LRMDA: variants seen among roughly 807,000 people sequenced by gnomAD.
LRMDA encodes leucine-rich melanocyte differentiation-associated protein.
In LRMDA, 18 loss-of-function variants were observed where a neutral mutation model predicts 29.8. That is an observed-to-expected ratio of 0.60 (90% CI 0.42 to 0.90). The LOEUF (loss-of-function observed/expected upper bound fraction) is 0.90, where lower values mean the gene tolerates loss of function less well. Ranked by LOEUF, LRMDA falls within the 40% of genes least tolerant of loss-of-function variation. The pLI is 0.00. For synonymous variants in LRMDA, 125 were observed against 109.4 expected, an observed-to-expected ratio of 1.14 and a Z score of -0.89; for missense variants, 273 against 273.9, an observed-to-expected ratio of 1.00 and a Z score of 0.02.
chr10:76,419,708 T>C (rs1181613606), intron 6 of LRMDA, among the ~76,000 whole-genome samples: 1 of 152,136 alleles, frequency 6.6e-6, no homozygotes, highest in Non-Finnish European at 1.5e-5. Flanking sequence ...TTACTTATTT[T>C]CCACCTGTAT....
chr10:75,812,552 C>G (rs534698238), intron 2 of LRMDA, among the ~76,000 whole-genome samples: 5 of 152,116 alleles, frequency 3.3e-5, no homozygotes, highest in Non-Finnish European at 7.4e-5. Context: ...CAATTCTGAA[C>G]GTGGTGACAT....
chr10:75,868,688 C>T lies in LRMDA; in HGVS notation c.132-167320C>T, dbSNP rs1470553377. 3.3e-5 allele frequency among the ~76,000 whole-genome samples: 5 copies of T among 152,180 alleles called. No individual in the cohort carries two copies. In the South Asian group the frequency reaches 8.3e-4, roughly 25 times the overall value. On this transcript the variant is annotated intron_variant, in intron 2 of 6. Transcript: ENST00000611255. ...TCCTGAGCCTCTCCCGCTTGTTTAG[C>T]GATTTCTCCCAGTGTGTCCAGATGC...
intron 5 of LRMDA, among the ~76,000 whole-genome samples, chr10:76,275,111 T>C (rs1840114647): frequency 6.6e-6 from 1 of 152,138 alleles, no homozygotes; most frequent in African/African-American, 2.4e-5. Context: ...TCCATGCTTG[T>C]TGTATTTGAA....
intron 2 of LRMDA, among the ~76,000 whole-genome samples, chr10:75,809,654 A>G (rs1389320936): frequency 6.6e-6 from 1 of 152,114 alleles, no homozygotes; most frequent in African/African-American, 2.4e-5. Flanking sequence ...AAAAACAAAA[A>G]CAAAAAAAGA....
At chr10:75,804,485 A>G (rs1401201468) in intron 2 of LRMDA, among the ~76,000 whole-genome samples, 1 of 152,252 alleles carries the variant, frequency 6.6e-6, no homozygotes, top group African/African-American at 2.4e-5. Flanking sequence ...ATGTCACCCC[A>G]AATGAGGAGA....
chr10:76,480,597 G>C (rs1842724490), intron 6 of LRMDA, among the ~76,000 whole-genome samples: 1 of 151,904 alleles, frequency 6.6e-6, no homozygotes, highest in Admixed American at 6.6e-5. Flanking sequence ...TGAATTATTG[G>C]CTCATCACTC....
In LRMDA at chr10:75,907,888, G is replaced by A. The variant is rs114107345; in HGVS notation, c.132-128120G>A. On this transcript the variant is annotated intron_variant, in intron 2 of 6. Transcript: ENST00000611255. ...GGAGTAGATGTTGAGGTCCAGAAAA[G>A]TTAAGGGATTCACTCACGGTGGCAT... Among the ~76,000 whole-genome samples, 968 of 152,220 alleles carry A rather than the reference G, an allele frequency of 6.4e-3. 11 individuals are homozygous for A. Among genetic ancestry groups the A allele is most frequent in the African/African-American group, 0.023 (942 of 41,530 alleles).
At chr10:76,210,536 T>C (rs1021001416) in intron 5 of LRMDA, among the ~76,000 whole-genome samples, 6 of 152,190 alleles carry the variant, frequency 3.9e-5, no homozygotes, top group Non-Finnish European at 8.8e-5. Context: ...TGAAATTGTA[T>C]CCATAGATAT....
chr10:75,873,442 A>G (rs1312544546), intron 2 of LRMDA, among the ~76,000 whole-genome samples: 2 of 152,226 alleles, frequency 1.3e-5, no homozygotes, highest in African/African-American at 4.8e-5. Context: ...AAAAAGCTTG[A>G]TGAAATATTT....
At chr10:75,674,148 G>A (rs890543897) in intron 2 of LRMDA, among the ~76,000 whole-genome samples, 3 of 152,170 alleles carry the variant, frequency 2.0e-5, no homozygotes, top group African/African-American at 4.8e-5. Context: ...CTGCTTGTGC[G>A]TGTGTGTGCA....
At chr10:76,528,017 G>A (rs1244289911) in intron 6 of LRMDA, among the ~76,000 whole-genome samples, 1 of 152,050 alleles carries the variant, frequency 6.6e-6, no homozygotes, top group Non-Finnish European at 1.5e-5. Flanking sequence ...AGCAACTCTT[G>A]GATATAATAT....
intron 2 of LRMDA, among the ~76,000 whole-genome samples, chr10:75,990,998 C>T (rs1321628327): frequency 2.6e-5 from 4 of 152,128 alleles, no homozygotes; most frequent in African/African-American, 7.2e-5. Flanking sequence ...GGACCTCAGC[C>T]TCCTCCTCCA....
intron 2 of LRMDA, among the ~76,000 whole-genome samples, chr10:75,807,930 T>A (rs1183513282): frequency 2.6e-5 from 4 of 152,222 alleles, no homozygotes; most frequent in Non-Finnish European, 4.4e-5. Flanking sequence ...AATATTTGGA[T>A]CTTATTGTAC....
chr10:75,444,522 A>C (rs1164051100), intron 2 of LRMDA, among the ~76,000 whole-genome samples: 3 of 152,182 alleles, frequency 2.0e-5, no homozygotes, highest in African/African-American at 7.2e-5. Flanking sequence ...TCTGGACTCA[A>C]TTCTCAGGGT....
intron 6 of LRMDA, among the ~76,000 whole-genome samples, chr10:76,398,920 C>CTCTG (rs1420950503): frequency 1.3e-5 from 2 of 152,108 alleles, no homozygotes; most frequent in Non-Finnish European, 1.5e-5. Context: ...TTTAATTAAC[C>CTCTG]TCTGATAGCT....
Position 76,456,254 on chromosome 10 carries a change from T to C in LRMDA, c.602-100955T>C, listed in dbSNP as rs535061788. Among the ~76,000 whole-genome samples the C allele has an allele frequency of 4.6e-5, 7 of 152,322 alleles. No individual in the cohort carries two copies. The South Asian group carries it at 1.5e-3, about 32-fold the overall frequency. On this transcript the variant is annotated intron_variant, in intron 6 of 6. Coordinates refer to ENST00000611255, the MANE Select transcript of LRMDA (RefSeq NM_001305581.2). ...AGATGGTTTTCCCACTATTTTTATT[T>C]AACTCACCAAATATATTCTGTAATT...
At chr10:76,156,429 C>T (rs944414864) in intron 5 of LRMDA, among the ~76,000 whole-genome samples, 2 of 152,138 alleles carry the variant, frequency 1.3e-5, no homozygotes, top group African/African-American at 4.8e-5. Flanking sequence ...ATTATTCTTT[C>T]CAAACAGTGT....
intron 2 of LRMDA, among the ~76,000 whole-genome samples, chr10:75,478,916 A>G (rs141815892): frequency 2.6e-5 from 4 of 152,252 alleles, no homozygotes; most frequent in East Asian, 1.9e-4. Context: ...CCGCCCTGCC[A>G]TGTACATCCT....
chr10:76,280,365 G>A (rs1462798830), intron 5 of LRMDA, among the ~76,000 whole-genome samples: 1 of 152,054 alleles, frequency 6.6e-6, no homozygotes, highest in Non-Finnish European at 1.5e-5. Context: ...CTTGGGGTAG[G>A]GGATTTTGTA....
Sources: gnomAD v4.1 joint callset for allele counts (sites outside exome capture counted in the v4.1 genomes callset) on GRCh38, gnomAD v4.1.1 for gene constraint, MANE v1.5 for transcripts, NCBI Gene and HGNC (gene_info 2026-07-23, HGNC 2026-07-21) for gene names.